RXFP3: variants seen among roughly 807,000 people sequenced by gnomAD.
The protein encoded by RXFP3 is relaxin family peptide receptor 3.
In RXFP3, 31 loss-of-function variants were observed where a neutral mutation model predicts 27.3. The ratio of observed to expected loss-of-function variants is 1.13; its 90% CI spans 0.85 to 1.53. The LOEUF (loss-of-function observed/expected upper bound fraction) is 1.53. RXFP3 is among the 40% of genes most tolerant of loss of function. The probability of loss-of-function intolerance (pLI) is 0.00; values close to 1 mark genes in which losing one functional copy is unlikely to be tolerated. For missense variants in RXFP3, 684 were observed against 642.1 expected (o/e 1.07, Z -0.70); for synonymous variants, 351 against 293.6 (o/e 1.20, Z -2.00).
Position 33,938,236 on chromosome 5 carries a change from G to T in RXFP3, c.*86G>T, listed in dbSNP as rs576202324. 1 of 1,291,274 alleles carries T rather than the reference G, an allele frequency of 7.7e-7. No individual in the cohort carries two copies. Among genetic ancestry groups the T allele is most frequent in the South Asian group, 1.5e-5 (1 of 67,424 alleles). 80.0% of individuals were successfully genotyped at this position (1,291,274 alleles called of 1,614,324 possible). ...AGGTGAAAGGATGAAGGAGGGCTGG[G>T]GGGGGCCCCATTTAAGAAGTAGGTG... On this transcript the variant is annotated 3_prime_UTR_variant, in exon 1 of 1. Transcript: ENST00000330120.
Position 33,937,683 on chromosome 5 carries a change from G to C in RXFP3, c.943G>C (p.Gly315Arg). 1.9e-6 allele frequency: 3 copies of C among 1,611,382 alleles called. No individual in the cohort carries two copies. The highest frequency in any genetic ancestry group is 1.7e-6 in the Non-Finnish European group (2 of 1,179,092). ...GAAVAGGRPT[G>R]ASARRLSKVT... ...CGCGGTAGCCGGAGGACGCCCGACC[G>C]GAGCCAGCGCCCGGAGACTGTCGAA... The change falls in exon 1 of 1, where the codon GGA becomes CGA. Residue 315 changes from glycine (G) to arginine (R), a missense_variant. Physicochemically the swap from Gly to Arg is moderately radical, Grantham distance 125. Coordinates refer to ENST00000330120, the MANE Select transcript of RXFP3 (RefSeq NM_016568.3).
At position 33,936,709 on chromosome 5, in the gene RXFP3, T is replaced by TC; in HGVS notation, c.-27dup. 2 of 1,501,956 alleles carry TC rather than the reference T, an allele frequency of 1.3e-6. No individual in the cohort carries two copies. The highest frequency in any genetic ancestry group is 1.8e-6 in the Non-Finnish European group (2 of 1,123,570). 93.0% of individuals were successfully genotyped at this position (1,501,956 alleles called of 1,614,324 possible). A position where few individuals can be genotyped will look rare whatever the true frequency, so the allele number is the denominator to read the frequency against. ...GTAAACCGTGTTATCTTAGGTCTTG[T>TC]CCCCCAGAACATGACCTAGAGGTAC... is the stretch of plus-strand genomic sequence containing the variant. On this transcript the variant is annotated 5_prime_UTR_variant, in exon 1 of 1. Transcript: ENST00000330120.
Position 33,937,700 on chromosome 5 carries a change from A to T in RXFP3, c.960A>T (p.Arg320Ser). Residue 320 changes from arginine (R) to serine (S), a missense_variant, in exon 1 of 1, where the codon AGA (arginine) becomes AGT (serine). Transcript: ENST00000330120. ...GGRPTGASAR[R>S]LSKVTKSVTI... ...GCCCGACCGGAGCCAGCGCCCGGAG[A>T]CTGTCGAAGGTCACCAAATCAGTGA... is the stretch of plus-strand genomic sequence containing the variant. 6.2e-7 allele frequency: 1 copy of T among 1,613,096 alleles called. No individual in the cohort carries two copies. The highest frequency in any genetic ancestry group is 1.1e-5 in the South Asian group (1 of 90,956).
chr5:33,937,729 T>A lies in RXFP3; in HGVS notation c.989T>A (p.Ile330Asn). 6.2e-7 allele frequency: 1 copy of A among 1,613,756 alleles called. No homozygotes were observed. Among genetic ancestry groups the A allele is most frequent in the Non-Finnish European group, 8.5e-7 (1 of 1,179,952 alleles). ...TCGAAGGTCACCAAATCAGTGACCA[T>A]CGTTGTCCTGTCCTTCTTCCTGTGT... ...RLSKVTKSVT[I>N]VVLSFFLCWL... The change falls in exon 1 of 1, where the codon ATC becomes AAC. Residue 330 changes from isoleucine (I) to asparagine (N), a missense_variant. Physicochemically the swap from Ile to Asn is moderately radical, Grantham distance 149 (BLOSUM62 -3). Coordinates refer to ENST00000330120, the MANE Select transcript of RXFP3 (RefSeq NM_016568.3).
rs1231039672 is a variant in RXFP3, at chr5:33,937,855, C to T, written c.1115C>T (p.Pro372Leu). Residue 372 changes from proline to leucine, a missense_variant, in exon 1 of 1, where the codon CCT becomes CTT. Coordinates refer to ENST00000330120, the MANE Select transcript of RXFP3 (RefSeq NM_016568.3). ...EYFLCQVYAF[P>L]VSVCLAHSNS... ...TTCCTGTGCCAGGTATACGCGTTCC[C>T]TGTGAGCGTGTGCCTAGCGCACTCC... The T allele has an allele frequency of 1.9e-6, 3 of 1,614,078 alleles. No individual in the cohort carries two copies. Among genetic ancestry groups the T allele is most frequent in the Admixed American group, 1.7e-5 (1 of 60,016 alleles).
rs1238122427 is a variant in RXFP3, at chr5:33,936,600, A to T, written c.-141A>T. On this transcript the variant is annotated 5_prime_UTR_variant, in exon 1 of 1. Coordinates refer to ENST00000330120, the MANE Select transcript of RXFP3 (RefSeq NM_016568.3). ...CGCTGCGCGCCAGGACGCGCTTAGT[A>T]CCCAGTTCCTGGGCTCTCTCTTCAG... 2 of 754,214 alleles carry T rather than the reference A, an allele frequency of 2.7e-6. No individual in the cohort carries two copies. The highest frequency in any genetic ancestry group is 3.6e-5 in the South Asian group (1 of 27,938). The allele number at this position is 754,214 out of a possible 1,614,324, so 46.7% of individuals were successfully genotyped here. A position where few individuals can be genotyped will look rare whatever the true frequency, so the allele number is the denominator to read the frequency against.
rs1342561727 is a variant in RXFP3 at position 33,936,409 on chromosome 5, A to G, written c.-332A>G. 11 of 310,984 alleles carry G rather than the reference A, an allele frequency of 3.5e-5. No homozygotes were observed. Among genetic ancestry groups the G allele is most frequent in the Admixed American group, 9.7e-5 (2 of 20,664 alleles). 19.3% of individuals were successfully genotyped at this position (310,984 alleles called of 1,614,324 possible). A position where few individuals can be genotyped will look rare whatever the true frequency, so the allele number is the denominator to read the frequency against. ...TGGGGGAGTTATGCGCCAGTGCCCC[A>G]GTGACCGCGGGACACGGAGAGGGGA... On this transcript the variant is annotated 5_prime_UTR_variant, in exon 1 of 1. Transcript: ENST00000330120.
At position 33,938,058 on chromosome 5, in the gene RXFP3, G is replaced by A; in HGVS notation, c.1318G>A (p.Ala440Thr). The change falls in exon 1 of 1, where the codon GCC (alanine) becomes ACC (threonine). Residue 440 changes from alanine (A) to threonine (T), a missense_variant. Transcript: ENST00000330120. Reference sequence around the variant, plus strand: ...GCAGGCCCCGGCGCCGCCCCACGCGGCCGCGGAGCCGGACCTGCTCTACTA... The same window carrying A: ...GCAGGCCCCGGCGCCGCCCCACGCGACCGCGGAGCCGGACCTGCTCTACTA... The part of the protein sequence containing the change: ...GLQAPAPPHA[A>T]AEPDLLYYPP... 2 of 1,611,026 alleles carry A rather than the reference G, an allele frequency of 1.2e-6. No homozygotes were observed. Among genetic ancestry groups the A allele is most frequent in the Non-Finnish European group, 8.5e-7 (1 of 1,179,396 alleles).
At position 33,938,180 on chromosome 5, in the gene RXFP3, G is replaced by C. The variant is rs577853740; in HGVS notation, c.*30G>C. 4.6e-6 allele frequency: 7 copies of C among 1,535,322 alleles called. No individual in the cohort carries two copies. The highest frequency in any genetic ancestry group is 6.1e-6 in the Non-Finnish European group (7 of 1,144,236). ...GGCCTCAGGCCCAGGGCGCGCCGTC[G>C]GGGCAAGGTGGCCTTCCCCGGGCGG... On this transcript the variant is annotated 3_prime_UTR_variant, in exon 1 of 1. Transcript: ENST00000330120.
chr5:33,937,863 G>A lies in RXFP3; in HGVS notation c.1123G>A (p.Val375Met), dbSNP rs199696955. The A allele has an allele frequency of 6.2e-7, 1 of 1,614,102 alleles. No individual in the cohort carries two copies. The highest frequency in any genetic ancestry group is 2.2e-5 in the East Asian group (1 of 44,888). ...CCAGGTATACGCGTTCCCTGTGAGC[G>A]TGTGCCTAGCGCACTCCAACAGCTG... Reference protein sequence around the residue: ...LCQVYAFPVSVCLAHSNSCLN... With the variant: ...LCQVYAFPVSMCLAHSNSCLN... The change falls in exon 1 of 1, where the codon GTG becomes ATG. Residue 375 changes from valine (V) to methionine (M), a missense_variant. Physicochemically the swap from Val to Met is conservative, Grantham distance 21. Coordinates refer to ENST00000330120, the MANE Select transcript of RXFP3 (RefSeq NM_016568.3).
Position 33,938,056 on chromosome 5 carries a change from C to G in RXFP3, c.1316C>G (p.Ala439Gly). Residue 439 changes from alanine (A) to glycine (G), a missense_variant, in exon 1 of 1, where the codon GCG (alanine) becomes GGG (glycine). Ala to Gly is a moderately conservative substitution (Grantham distance 60). Transcript: ENST00000330120. Reference sequence around the variant, plus strand: ...CTGCAGGCCCCGGCGCCGCCCCACGCGGCCGCGGAGCCGGACCTGCTCTAC... The same window carrying G: ...CTGCAGGCCCCGGCGCCGCCCCACGGGGCCGCGGAGCCGGACCTGCTCTAC... The part of the protein sequence containing the change: ...QGLQAPAPPH[A>G]AAEPDLLYYP... 1.9e-6 allele frequency: 3 copies of G among 1,611,528 alleles called. No homozygotes were observed. The highest frequency in any genetic ancestry group is 2.5e-6 in the Non-Finnish European group (3 of 1,179,478).
chr5:33,936,951 G>T lies in RXFP3; in HGVS notation c.211G>T (p.Ala71Ser). The part of the protein sequence containing the change: ...PPGHPPGSGG[A>S]ESADTEARVR... Reference sequence around the variant, plus strand: ...AGGACATCCCCCGGGCAGCGGCGGGGCAGAGAGCGCGGACACAGAGGCCCG... The same window carrying T: ...AGGACATCCCCCGGGCAGCGGCGGGTCAGAGAGCGCGGACACAGAGGCCCG... Residue 71 changes from alanine (A) to serine (S), a missense_variant, in exon 1 of 1, where the codon GCA becomes TCA. Physicochemically the swap from Ala to Ser is moderately conservative, Grantham distance 99 (BLOSUM62 1). Transcript: ENST00000330120. 1 of 1,604,744 alleles carries T rather than the reference G, an allele frequency of 6.2e-7. No homozygotes were observed. Among genetic ancestry groups the T allele is most frequent in the Admixed American group, 1.7e-5 (1 of 59,722 alleles).
In RXFP3 at chr5:33,936,893, G is replaced by A. The variant is rs537056361; in HGVS notation, c.153G>A (p.Glu51=). The change falls in exon 1 of 1, where the codon GAG becomes GAA. Residue 51 remains glutamate (E), a synonymous_variant. Coordinates refer to ENST00000330120, the MANE Select transcript of RXFP3 (RefSeq NM_016568.3). The part of the protein sequence containing the change: ...ASLQLPDLWW[E]LGLELPDGAP... ...TGCAGCTTCCGGACTTGTGGTGGGA[G>A]CTGGGGCTGGAGTTGCCGGACGGCG... The A allele has an allele frequency of 1.9e-6, 3 of 1,602,846 alleles. No homozygotes were observed. Among genetic ancestry groups the A allele is most frequent in the African/African-American group, 1.3e-5 (1 of 74,878 alleles).
chr5:33,936,941 C>T lies in RXFP3; in HGVS notation c.201C>T (p.Gly67=). 6.2e-7 allele frequency: 1 copy of T among 1,602,542 alleles called. No individual in the cohort carries two copies. Among genetic ancestry groups the T allele is most frequent in the Non-Finnish European group, 8.5e-7 (1 of 1,171,052 alleles). The change falls in exon 1 of 1, where the codon GGC becomes GGT. Residue 67 remains glycine (G), a synonymous_variant. Transcript: ENST00000330120. The part of the protein sequence containing the change: ...PDGAPPGHPP[G]SGGAESADTE... ...GCGCGCCGCCAGGACATCCCCCGGGCAGCGGCGGGGCAGAGAGCGCGGACA... is the reference window on the plus strand; with the variant it reads ...GCGCGCCGCCAGGACATCCCCCGGGTAGCGGCGGGGCAGAGAGCGCGGACA...
chr5:33,937,520 G>T lies in RXFP3; in HGVS notation c.780G>T (p.Arg260Ser), dbSNP rs866332088. The T allele has an allele frequency of 1.3e-6, 2 of 1,584,520 alleles. No homozygotes were observed. The highest frequency in any genetic ancestry group is 2.3e-5 in the South Asian group (2 of 87,374). The change falls in exon 1 of 1, where the codon AGG (arginine) becomes AGT (serine). Residue 260 changes from arginine to serine, a missense_variant. Transcript: ENST00000330120. ...CGGACAAGTTGCTGGGCCGCGACAG[G>T]CAGTTCTGGCTGGGCCTCTACCACT... ...RFPDKLLGRD[R>S]QFWLGLYHSQ...
chr5:33,937,530 C>A lies in RXFP3; in HGVS notation c.790C>A (p.Leu264Met), dbSNP rs1245407215. ...GCTGGGCCGCGACAGGCAGTTCTGGCTGGGCCTCTACCACTCGCAGAAGGT... is the reference window on the plus strand; with the variant it reads ...GCTGGGCCGCGACAGGCAGTTCTGGATGGGCCTCTACCACTCGCAGAAGGT... ...KLLGRDRQFWLGLYHSQKVLL... is the reference protein window; with the variant it reads ...KLLGRDRQFWMGLYHSQKVLL... Residue 264 changes from leucine to methionine, a missense_variant, in exon 1 of 1, where the codon CTG becomes ATG. Coordinates refer to ENST00000330120, the MANE Select transcript of RXFP3 (RefSeq NM_016568.3). The A allele has an allele frequency of 1.3e-6, 2 of 1,579,974 alleles. No homozygotes were observed. The highest frequency in any genetic ancestry group is 1.7e-6 in the Non-Finnish European group (2 of 1,163,180).
At position 33,936,915 on chromosome 5, in the gene RXFP3, G is replaced by C. The variant is rs780711382; in HGVS notation, c.175G>C (p.Gly59Arg). The change falls in exon 1 of 1, where the codon GGC (glycine) becomes CGC (arginine). Residue 59 changes from glycine (G) to arginine (R), a missense_variant. Gly to Arg is a moderately radical substitution (Grantham distance 125, BLOSUM62 -2). Coordinates refer to ENST00000330120, the MANE Select transcript of RXFP3 (RefSeq NM_016568.3). ...WWELGLELPDGAPPGHPPGSG... is the reference protein window; with the variant it reads ...WWELGLELPDRAPPGHPPGSG... Reference sequence around the variant, plus strand: ...GGAGCTGGGGCTGGAGTTGCCGGACGGCGCGCCGCCAGGACATCCCCCGGG... The same window carrying C: ...GGAGCTGGGGCTGGAGTTGCCGGACCGCGCGCCGCCAGGACATCCCCCGGG... The C allele has an allele frequency of 3.7e-6, 6 of 1,600,624 alleles. No homozygotes were observed. The highest frequency in any genetic ancestry group is 2.2e-5 in the South Asian group (2 of 90,236).
Position 33,938,358 on chromosome 5 carries a change from T to G in RXFP3, c.*208T>G. The G allele has an allele frequency of 1.7e-6, 1 of 600,340 alleles. No individual in the cohort carries two copies. Among genetic ancestry groups the G allele is most frequent in the East Asian group, 2.8e-5 (1 of 35,678 alleles). The allele number at this position is 600,340 out of a possible 1,614,324, so 37.2% of individuals were successfully genotyped here. A position where few individuals can be genotyped will look rare whatever the true frequency, so the allele number is the denominator to read the frequency against. Reference sequence around the variant, plus strand: ...TTCGAAATCGGGTGGAGAGAGGAAATTGGCAAAGGGATAGAGACGAGCCCC... The same window carrying G: ...TTCGAAATCGGGTGGAGAGAGGAAAGTGGCAAAGGGATAGAGACGAGCCCC... On this transcript the variant is annotated 3_prime_UTR_variant, in exon 1 of 1. Coordinates refer to ENST00000330120, the MANE Select transcript of RXFP3 (RefSeq NM_016568.3).
In RXFP3 at chr5:33,936,957, A is replaced by C; in HGVS notation, c.217A>C (p.Ser73Arg). 6.2e-7 allele frequency: 1 copy of C among 1,606,906 alleles called. No homozygotes were observed. The part of the protein sequence containing the change: ...GHPPGSGGAE[S>R]ADTEARVRIL... ...TCCCCCGGGCAGCGGCGGGGCAGAG[A>C]GCGCGGACACAGAGGCCCGGGTGCG... Residue 73 changes from serine (S) to arginine (R), a missense_variant, in exon 1 of 1, where the codon AGC (serine) becomes CGC (arginine). Physicochemically the swap from Ser to Arg is moderately radical, Grantham distance 110. Transcript: ENST00000330120.
Sources: allele counts gnomAD v4.1 joint callset, GRCh38; gene constraint gnomAD v4.1.1; transcripts MANE v1.5; gene names NCBI Gene and HGNC (gene_info 2026-07-23, HGNC 2026-07-21).